The following MORC3 variants were observed in gnomAD, a reference collection of about 807,000 sequenced individuals.
MORC3 encodes the protein MORC family CW-type zinc finger protein 3.
MORC3 carries 31 observed loss-of-function variants against 109.1 expected under a neutral mutation model. The observed-to-expected ratio is 0.28, with a 90% CI of 0.21 to 0.38. MORC3 has a LOEUF of 0.38. Among genes scored for constraint, MORC3 ranks in the 10% least tolerant of loss-of-function variants. MORC3 has a pLI of 1.00. For missense variants in MORC3, 867 were observed against 1,135.8 expected, an observed-to-expected ratio of 0.76 and a Z score of 3.40; for synonymous variants, 395 against 380.7, an observed-to-expected ratio of 1.04 and a Z score of -0.44.
At chr21:36,365,493 A>G (rs2085770260) in intron 14 of MORC3, among the ~76,000 whole-genome samples, 1 of 152,170 alleles carries the variant, frequency 6.6e-6, no homozygotes, top group Non-Finnish European at 1.5e-5. Context: ...TCTCAAAGGA[A>G]TTTTTGACCC....
chr21:36,354,923 C>T (rs966705792), intron 9 of MORC3, among the ~76,000 whole-genome samples: 1 of 152,056 alleles, frequency 6.6e-6, no homozygotes, highest in African/African-American at 2.4e-5. Flanking sequence ...TTTTTGCCCT[C>T]TACCTTTTTT....
rs372230140 is a variant in MORC3, at chr21:36,337,828, C to A, written c.342C>A (p.Asp114Glu). ...CGGGTTCTATGCGTCTGGGTAAAGA[C>A]GCAATCGTTTTTACCAAAAATGGAG... ...FKSGSMRLGK[D>E]AIVFTKNGES... Residue 114 changes from aspartate to glutamate, a missense_variant, in exon 4 of 17, where the codon GAC (aspartate) becomes GAA (glutamate). Around this residue, in one of 7 missense-constraint regions of MORC3, gnomAD observed 134 missense variants for 166.6 expected, o/e 0.80. Transcript: ENST00000400485. The A allele has an allele frequency of 1.9e-6, 3 of 1,614,150 alleles. No homozygotes were observed. Among genetic ancestry groups the A allele is most frequent in the Non-Finnish European group, 2.5e-6 (3 of 1,180,032 alleles).
intron 9 of MORC3, 97 bp from the exon 10 acceptor site, chr21:36,356,522 GT>G (rs777921764): frequency 2.3e-5 from 15 of 640,902 alleles, no homozygotes; most frequent in African/African-American, 1.9e-4. Context: ...ATGTTTTGGA[GT>G]TTTTTCTCTT....
intron 1 of MORC3, 161 bp from the exon 2 acceptor site, chr21:36,333,485 A>G (rs1057438673): frequency 1.6e-6 from 1 of 613,092 alleles, no homozygotes; most frequent in African/African-American, 1.9e-5. Flanking sequence ...TCTTCCAAGA[A>G]TCGTATATTC....
At position 36,375,336 on chromosome 21, in the gene MORC3, T is replaced by C. The variant is rs78289545; in HGVS notation, c.*40T>C. The C allele has an allele frequency of 6.1e-5, 94 of 1,547,384 alleles. No individual in the cohort carries two copies. The East Asian group carries it at 2.0e-3, about 32-fold the overall frequency. On this transcript the variant is annotated 3_prime_UTR_variant, in exon 17 of 17. Transcript: ENST00000400485. ...AAGATAAAATATTTGCTCAATTCTTTTGGTTGTACAGCTTTCAAAATATAA... is the reference window on the plus strand; with the variant it reads ...AAGATAAAATATTTGCTCAATTCTTCTGGTTGTACAGCTTTCAAAATATAA...
At chr21:36,323,071 C>T (rs2085210491) in intron 1 of MORC3, among the ~76,000 whole-genome samples, 1 of 152,172 alleles carries the variant, frequency 6.6e-6, no homozygotes, top group Non-Finnish European at 1.5e-5. Flanking sequence ...ATCCAGAGAA[C>T]TGGGAGCTCT....
rs116349366 is a variant in MORC3 at position 36,349,017 on chromosome 21, T to A, written c.1006-294T>A. Among the ~76,000 whole-genome samples the A allele has an allele frequency of 4.5e-3, 682 of 152,080 alleles. 2 individuals carry two copies. Among genetic ancestry groups the A allele is most frequent in the African/African-American group, 0.016 (644 of 41,498 alleles). On this transcript the variant is annotated intron_variant, in intron 8 of 16. Transcript: ENST00000400485. ...AAATAGAAAAATTAGCTGGGTTTGG[T>A]GGTGCGCGCCTGTACTTCCAGCTAC... is the stretch of plus-strand genomic sequence containing the variant.
intron 1 of MORC3, 175 bp downstream of exon 1, chr21:36,320,478 G>A (rs930674974): frequency 1.3e-5 from 7 of 544,506 alleles, no homozygotes; most frequent in African/African-American, 4.0e-5. Flanking sequence ...GCTCGGCTGC[G>A]GGCCGGGCTG....
At chr21:36,331,305 TTG>T (rs2085312330) in intron 1 of MORC3, among the ~76,000 whole-genome samples, 1 of 152,032 alleles carries the variant, frequency 6.6e-6, no homozygotes, top group African/African-American at 2.4e-5. Flanking sequence ...TTAAAACTAC[TTG>T]TGTGTTTTTG....
intron 4 of MORC3, among the ~76,000 whole-genome samples, 178 bp downstream of exon 4, chr21:36,338,124 C>G (rs1212115989): frequency 6.6e-6 from 1 of 152,184 alleles, no homozygotes; most frequent in Non-Finnish European, 1.5e-5. Flanking sequence ...TTTCTCTTCT[C>G]TGTTGGAATC....
Position 36,369,255 on chromosome 21 carries a change from A to G in MORC3, c.1887A>G (p.Ser629=), listed in dbSNP as rs1312810367. 18 of 1,614,094 alleles carry G rather than the reference A, an allele frequency of 1.1e-5. No homozygotes were observed. The highest frequency in any genetic ancestry group is 2.7e-5 in the African/African-American group (2 of 74,940). ...AGACTGGTTCAACAAGCACCTCATC[A>G]TCCCGATGCGACCAGGGAAATACTG... ...CGQTGSTSTS[S]SRCDQGNTAA... The change falls in exon 15 of 17, where the codon TCA becomes TCG. Residue 629 remains serine, a synonymous_variant. Transcript: ENST00000400485.
At chr21:36,342,943 C>T (rs774151328) in intron 6 of MORC3, among the ~76,000 whole-genome samples, 2 of 151,358 alleles carry the variant, frequency 1.3e-5, no homozygotes, top group Admixed American at 6.6e-5. Flanking sequence ...CCCTTGAACC[C>T]GGCAGGCAGA....
At position 36,375,343 on chromosome 21, in the gene MORC3, T is replaced by A. The variant is rs1207262885; in HGVS notation, c.*47T>A. ...AATATTTGCTCAATTCTTTTGGTTG[T>A]ACAGCTTTCAAAATATAATTAATTT... On this transcript the variant is annotated 3_prime_UTR_variant, in exon 17 of 17. Coordinates refer to ENST00000400485, the MANE Select transcript of MORC3 (RefSeq NM_015358.3). 6.6e-7 allele frequency: 1 copy of A among 1,507,814 alleles called. No homozygotes were observed. Among genetic ancestry groups the A allele is most frequent in the South Asian group, 1.2e-5 (1 of 82,440 alleles). The allele number at this position is 1,507,814 out of a possible 1,614,324, so 93.4% of individuals were successfully genotyped here.
At chr21:36,329,521 G>A (rs2085289644) in intron 1 of MORC3, among the ~76,000 whole-genome samples, 1 of 152,050 alleles carries the variant, frequency 6.6e-6, no homozygotes, top group South Asian at 2.1e-4. Context: ...GGAGACTAAG[G>A]GTTTATAGTA....
chr21:36,369,850 A>C lies in MORC3; in HGVS notation c.2482A>C (p.Ile828Leu), dbSNP rs1223327632. The change falls in exon 15 of 17, where the codon ATT becomes CTT. Residue 828 changes from isoleucine (I) to leucine (L), a missense_variant. Transcript: ENST00000400485. ...DVFRQLDKCS[I>L]ERDQYKSEVE... ...GTTTAGACAACTGGACAAATGCAGT[A>C]TTGAGAGGGACCAGTATAAAAGTGA... is the stretch of plus-strand genomic sequence containing the variant. The C allele has an allele frequency of 1.9e-6, 3 of 1,613,054 alleles. No individual in the cohort carries two copies. In the East Asian group the frequency reaches 6.7e-5, roughly 36 times the overall value.
At chr21:36,320,654 T>G in intron 1 of MORC3, 10 of 214,314 alleles carry the variant, frequency 4.7e-5, no homozygotes, top group Admixed American at 5.9e-5. Flanking sequence ...GACCCTCTTC[T>G]GTCCGCTGGG....
In MORC3 at chr21:36,369,252, A is replaced by C; in HGVS notation, c.1884A>C (p.Ser628=). 6.2e-7 allele frequency: 1 copy of C among 1,614,220 alleles called. No individual in the cohort carries two copies. The highest frequency in any genetic ancestry group is 8.5e-7 in the Non-Finnish European group (1 of 1,180,040). ...GCCAGACTGGTTCAACAAGCACCTC[A>C]TCATCCCGATGCGACCAGGGAAATA... ...PCGQTGSTST[S]SSRCDQGNTA... Residue 628 remains serine, a synonymous_variant, in exon 15 of 17, where the codon TCA becomes TCC. Transcript: ENST00000400485.
intron 14 of MORC3, among the ~76,000 whole-genome samples, chr21:36,365,764 T>G (rs1469650830): frequency 6.6e-6 from 1 of 152,100 alleles, no homozygotes; most frequent in Non-Finnish European, 1.5e-5. Context: ...GTATTTTTAG[T>G]AGAGACAGGT....
chr21:36,351,057 CTTT>C (rs748042243), intron 9 of MORC3, among the ~76,000 whole-genome samples: 22 of 71,448 alleles, frequency 3.1e-4, no homozygotes, highest in Admixed American at 1.0e-3. Flanking sequence ...GGTTGTCCTC[CTTT>C]TTTTTTTTTT....
Sources: allele counts gnomAD v4.1 joint callset (sites outside exome capture counted in the v4.1 genomes callset), GRCh38; gene constraint gnomAD v4.1.1; regional missense constraint gnomAD v4.1.1; transcripts MANE v1.5; gene names NCBI Gene and HGNC (gene_info 2026-07-23, HGNC 2026-07-21).